The following VPS16 variants were observed in gnomAD, a reference collection of about 807,000 sequenced individuals.
VPS16 encodes the protein vacuolar protein sorting-associated protein 16 homolog.
Under a neutral mutation model 116.0 loss-of-function variants are expected in VPS16, and 82 were observed. The ratio of observed to expected loss-of-function variants is 0.71; its 90% CI spans 0.59 to 0.85. The LOEUF (loss-of-function observed/expected upper bound fraction) is 0.85. VPS16 is among the 40% of genes least tolerant of loss of function. The pLI is 0.00. For synonymous variants in VPS16, 406 were observed against 420.7 expected, an observed-to-expected ratio of 0.96 and a Z score of 0.43; for missense variants, 928 against 1,090.6, an observed-to-expected ratio of 0.85 and a Z score of 2.10.
rs753569109 is a variant in VPS16 at position 2,865,119 on chromosome 20, C to T, written c.2005-29C>T. ...GGTCTTCCCTCCTGGTCCCTCATCCCCATCATGCCTCATTATCCGGGTCCC... is the reference window on the plus strand; with the variant it reads ...GGTCTTCCCTCCTGGTCCCTCATCCTCATCATGCCTCATTATCCGGGTCCC... On this transcript the variant is annotated intron_variant, in intron 20 of 23. Coordinates refer to ENST00000380445, the MANE Select transcript of VPS16 (RefSeq NM_022575.4). This position sits in a 1 kb window ranked among gnomAD's most constrained non-coding sequence, Gnocchi z 5.2. 6.2e-7 allele frequency: 1 copy of T among 1,614,120 alleles called. No homozygotes were observed. The highest frequency in any genetic ancestry group is 1.1e-5 in the South Asian group (1 of 91,086).
intron 1 of VPS16, among the ~76,000 whole-genome samples, chr20:2,852,464 T>G (rs1240902832): frequency 6.6e-6 from 1 of 152,216 alleles, no homozygotes; most frequent in African/African-American, 2.4e-5. Context: ...CAGATGTTTT[T>G]TCACCCAATG....
chr20:2,860,171 C>T lies in VPS16; in HGVS notation c.240+20C>T. ...CTGCTGGTGAGCACTTCTGATGGTC[C>T]CTGGGGCTCAGGGCTGGACAGGGTT... On this transcript the variant is annotated intron_variant, in intron 3 of 23. Transcript: ENST00000380445. This position sits in a 1 kb window ranked among gnomAD's most constrained non-coding sequence, Gnocchi z 6.1. The T allele has an allele frequency of 1.2e-6, 2 of 1,613,994 alleles. No individual in the cohort carries two copies. Among genetic ancestry groups the T allele is most frequent in the Non-Finnish European group, 1.7e-6 (2 of 1,180,012 alleles).
At position 2,859,768 on chromosome 20, in the gene VPS16, G is replaced by A. The variant is rs1319599371; in HGVS notation, c.103G>A (p.Asp35Asn). The A allele has an allele frequency of 1.2e-6, 2 of 1,613,198 alleles. No homozygotes were observed. The highest frequency in any genetic ancestry group is 1.7e-6 in the Non-Finnish European group (2 of 1,179,692). Residue 35 changes from aspartate to asparagine, a missense_variant, in exon 2 of 24, where the codon GAT becomes AAT. By Grantham distance (23) the Asp-to-Asn change is conservative (BLOSUM62 1). Transcript: ENST00000380445. The part of the protein sequence containing the change: ...MDWDLKEELR[D>N]CLVAAAPYGG... ...CTGGGACCTGAAGGAGGAACTCAGG[G>A]ATTGCCTGGTGGCTGCTGCACCCTA...
Position 2,865,776 on chromosome 20 carries a change from C to T in VPS16, c.2271+281C>T. The T allele has an allele frequency of 2.0e-6, 1 of 508,022 alleles. No homozygotes were observed. Among genetic ancestry groups the T allele is most frequent in the South Asian group, 2.2e-5 (1 of 44,448 alleles). The allele number at this position is 508,022 out of a possible 1,614,324, so 31.5% of individuals were successfully genotyped here. A position where few individuals can be genotyped will look rare whatever the true frequency, so the allele number is the denominator to read the frequency against. Reference sequence around the variant, plus strand: ...GGGCACTATGTGCTAGAGGGAAAGTCTTGTCTGAGGAGGGTGGAGGGGGCA... The same window carrying T: ...GGGCACTATGTGCTAGAGGGAAAGTTTTGTCTGAGGAGGGTGGAGGGGGCA... On this transcript the variant is annotated intron_variant, in intron 22 of 23. Transcript: ENST00000380445. This position sits in a 1 kb window ranked among gnomAD's most constrained non-coding sequence, Gnocchi z 5.2.
chr20:2,850,107 G>C (rs1329531886), intron 1 of VPS16, among the ~76,000 whole-genome samples: 1 of 152,132 alleles, frequency 6.6e-6, no homozygotes, highest in Non-Finnish European at 1.5e-5. Flanking sequence ...GGGTCAGCTG[G>C]GGTCAGGAGT....
At position 2,864,324 on chromosome 20, in the gene VPS16, G is replaced by A. The variant is rs2089288855; in HGVS notation, c.1720+37G>A. On this transcript the variant is annotated intron_variant, in intron 17 of 23. Coordinates refer to ENST00000380445, the MANE Select transcript of VPS16 (RefSeq NM_022575.4). This position sits in a 1 kb window ranked among gnomAD's most constrained non-coding sequence, Gnocchi z 5.2. ...GCTGGGGGGCCCCTGGGCTAAGTGG[G>A]AGCCTGGCTGGAATTCCCACTCCAC... 1 of 1,613,984 alleles carries A rather than the reference G, an allele frequency of 6.2e-7. No homozygotes were observed. Among genetic ancestry groups the A allele is most frequent in the African/African-American group, 1.3e-5 (1 of 74,896 alleles).
At position 2,864,745 on chromosome 20, in the gene VPS16, G is replaced by A; in HGVS notation, c.1926+91G>A. ...TTCAGGAATCTAGGCCTTCGTGTTG[G>A]GTGCACACTCCATCTGGTCCTCACT... On this transcript the variant is annotated intron_variant, in intron 19 of 23. Transcript: ENST00000380445. The surrounding 1 kb of genome is among the most constrained non-coding windows in gnomAD (Gnocchi z 5.2). 5.1e-6 allele frequency: 7 copies of A among 1,368,346 alleles called. No individual in the cohort carries two copies. The highest frequency in any genetic ancestry group is 7.2e-6 in the Non-Finnish European group (7 of 973,544). 84.8% of individuals were successfully genotyped at this position (1,368,346 alleles called of 1,614,324 possible).
rs923189927 is a variant in VPS16, at chr20:2,861,608, C to T, written c.810-7C>T. On this transcript the variant is annotated splice_region_variant and splice_polypyrimidine_tract_variant and intron_variant, in intron 8 of 23. Coordinates refer to ENST00000380445, the MANE Select transcript of VPS16 (RefSeq NM_022575.4). The stretch of plus-strand genomic sequence containing the variant: ...GTGTCTAGCCAGTGTGTATATGCTG[C>T]TCACAGGTGCAGCCGTCCTCGTAGC... 1.0e-5 allele frequency: 16 copies of T among 1,606,358 alleles called. No individual in the cohort carries two copies. The highest frequency in any genetic ancestry group is 1.3e-5 in the Non-Finnish European group (15 of 1,177,098).
chr20:2,848,937 T>C (rs971873039), intron 1 of VPS16, among the ~76,000 whole-genome samples: 1 of 152,166 alleles, frequency 6.6e-6, no homozygotes, highest in African/African-American at 2.4e-5. Flanking sequence ...TGGTGCCATA[T>C]TGGGGTCACG....
rs1568621142 is a variant in VPS16, at chr20:2,842,892, A to AGATAGATGTATCTATC, written c.53+2072_53+2073insGTATCTATCGATAGAT. On this transcript the variant is annotated intron_variant, in intron 1 of 23. Transcript: ENST00000380445. ...TAGATAGATAGATGTATCTATCGAT[A>AGATAGATGTATCTATC]GATAGATAGATATATGTTATGGATT... Among the ~76,000 whole-genome samples the AGATAGATGTATCTATC allele has an allele frequency of 7.2e-4, 100 of 138,300 alleles. 1 individual carries two copies. The highest frequency in any genetic ancestry group is 2.5e-3 in the African/African-American group (76 of 30,768). 90.7% of individuals were successfully genotyped at this position (138,300 alleles called of 152,430 possible).
chr20:2,860,006 G>T lies in VPS16; in HGVS notation c.143-48G>T, dbSNP rs1273553212. ...CCAGGATGTGAGGCCTGCTTCACAT[G>T]GGGTGGGCCTAGGGAGCTAGGACAG... On this transcript the variant is annotated intron_variant, in intron 2 of 23. Coordinates refer to ENST00000380445, the MANE Select transcript of VPS16 (RefSeq NM_022575.4). This position sits in a 1 kb window ranked among gnomAD's most constrained non-coding sequence, Gnocchi z 6.1. The T allele has an allele frequency of 1.7e-5, 28 of 1,607,674 alleles. No individual in the cohort carries two copies. The highest frequency in any genetic ancestry group is 2.2e-5 in the Non-Finnish European group (26 of 1,175,072).
chr20:2,862,947 A>G lies in VPS16; in HGVS notation c.1331+13A>G. 1.2e-6 allele frequency: 2 copies of G among 1,613,666 alleles called. No homozygotes were observed. Among genetic ancestry groups the G allele is most frequent in the Non-Finnish European group, 1.7e-6 (2 of 1,179,714 alleles). ...TCACCTATAGCCAGTATCCCTGTGC[A>G]CGCCAGAAGGGTACCCTACAGCCAG... On this transcript the variant is annotated intron_variant, in intron 13 of 23. Coordinates refer to ENST00000380445, the MANE Select transcript of VPS16 (RefSeq NM_022575.4).
intron 1 of VPS16, among the ~76,000 whole-genome samples, chr20:2,842,890 A>ATAGATAGATAGATGTATCTATC (rs1555795836): frequency 1.6e-5 from 2 of 126,676 alleles, no homozygotes; most frequent in African/African-American, 8.0e-5. Flanking sequence ...GTATCTATCG[A>ATAGATAGATAGATGTATCTATC]TAGATAGATA....
intron 1 of VPS16, among the ~76,000 whole-genome samples, chr20:2,850,962 T>G (rs1370305859): frequency 9.8e-6 from 1 of 102,526 alleles, no homozygotes; most frequent in African/African-American, 5.7e-5. Flanking sequence ...AGAGTAAGAC[T>G]GTCAAAAAAA....
intron 1 of VPS16, among the ~76,000 whole-genome samples, chr20:2,849,170 C>T (rs545155823): frequency 2.6e-5 from 4 of 152,266 alleles, no homozygotes; most frequent in African/African-American, 9.6e-5. Flanking sequence ...TCATTGTTTC[C>T]TATCAGTACC....
intron 1 of VPS16, among the ~76,000 whole-genome samples, chr20:2,849,941 G>C (rs922517021): frequency 1.3e-5 from 2 of 152,140 alleles, no homozygotes; most frequent in African/African-American, 4.8e-5. Flanking sequence ...CCATCTTTAG[G>C]GGGTCTATCT....
Position 2,862,730 on chromosome 20 carries a change from C to A in VPS16, c.1203+20C>A. The stretch of plus-strand genomic sequence containing the variant: ...CTCAGGGTTGGCCTGGATGGCCGGG[C>A]CGGGGAGGGTGGGGCTGGGAGGGGG... On this transcript the variant is annotated intron_variant, in intron 12 of 23. Coordinates refer to ENST00000380445, the MANE Select transcript of VPS16 (RefSeq NM_022575.4). 1.3e-6 allele frequency: 1 copy of A among 760,160 alleles called. No homozygotes were observed. The highest frequency in any genetic ancestry group is 2.1e-6 in the Non-Finnish European group (1 of 483,142). 47.1% of individuals were successfully genotyped at this position (760,160 alleles called of 1,614,324 possible).
Position 2,865,231 on chromosome 20 carries a change from A to G in VPS16, c.2088A>G (p.Leu696=). The change falls in exon 21 of 24, where the codon CTA becomes CTG. Residue 696 remains leucine (L), a synonymous_variant. Transcript: ENST00000380445. The surrounding 1 kb of genome is among the most constrained non-coding windows in gnomAD (Gnocchi z 5.2). ...ELGGQFLDLS[L]HDTVTTLILG... The stretch of plus-strand genomic sequence containing the variant: ...GGGGCCAGTTCCTAGACCTGTCTCT[A>G]CATGACACAGTTACCACCCTCATTC... 1.2e-6 allele frequency: 2 copies of G among 1,614,188 alleles called. No individual in the cohort carries two copies.
At chr20:2,842,751 TGTATC>T (rs1474732086) in intron 1 of VPS16, among the ~76,000 whole-genome samples, 1 of 146,628 alleles carries the variant, frequency 6.8e-6, no homozygotes, top group Non-Finnish European at 1.5e-5. Context: ...TACATATAGA[TGTATC>T]TATCTATAGA....
Sources: gnomAD v4.1 joint callset for allele counts (sites outside exome capture counted in the v4.1 genomes callset) on GRCh38, gnomAD v4.1.1 for gene constraint, Gnocchi (gnomAD v3.1) non-coding constraint, MANE v1.5 for transcripts, NCBI Gene and HGNC (gene_info 2026-07-23, HGNC 2026-07-21) for gene names.